TPST2: variants seen among roughly 807,000 people sequenced by gnomAD.
TPST2 encodes the protein tyrosylprotein sulfotransferase 2.
Under a neutral mutation model 27.8 loss-of-function variants are expected in TPST2, and 16 were observed. The ratio of observed to expected loss-of-function variants is 0.58; its 90% CI spans 0.39 to 0.88. TPST2 has a LOEUF of 0.88. TPST2 is among the 40% of genes least tolerant of loss of function. The pLI is 0.00. For synonymous variants in TPST2, 229 were observed against 231.7 expected (o/e 0.99, Z 0.10); for missense variants, 464 against 543.1 (o/e 0.85, Z 1.45).
intron 1 of TPST2, among the ~76,000 whole-genome samples, chr22:26,589,658 G>A (rs984334958): frequency 5.9e-5 from 9 of 152,096 alleles, no homozygotes; most frequent in African/African-American, 2.2e-4. Context: ...CCTGGCGCCC[G>A]CCTGGGGGTC....
intron 1 of TPST2, among the ~76,000 whole-genome samples, chr22:26,545,263 A>G (rs957008216): frequency 6.6e-6 from 1 of 152,208 alleles, no homozygotes; most frequent in African/African-American, 2.4e-5. Flanking sequence ...GATGATCCCA[A>G]TTTTACAGAT....
At position 26,536,692 on chromosome 22, in the gene TPST2, G is replaced by C. The variant is rs192942140; in HGVS notation, c.843-206C>G. Among the ~76,000 whole-genome samples the C allele has an allele frequency of 8.5e-5, 13 of 152,282 alleles. 1 individual carries two copies. The East Asian group carries it at 2.5e-3, about 29-fold the overall frequency. ...ACAATGGGAACACAGCATGCAGTGA[G>C]AAGTCAGAAGAAAGTACTAGCAGTA... On this transcript the variant is annotated intron_variant, in intron 3 of 6. Transcript: ENST00000338754.
intron 3 of TPST2, among the ~76,000 whole-genome samples, chr22:26,536,809 A>G (rs778937296): frequency 2.6e-5 from 4 of 152,204 alleles, no homozygotes; most frequent in Non-Finnish European, 5.9e-5. Flanking sequence ...CTGTAATCCC[A>G]GCACTTCAGA....
intron 1 of TPST2, among the ~76,000 whole-genome samples, chr22:26,553,466 G>C (rs549199100): frequency 6.6e-6 from 1 of 151,592 alleles, no homozygotes; most frequent in South Asian, 2.1e-4. Context: ...TGAAACTCCT[G>C]GTCTCAAATG....
chr22:26,532,448 T>C (rs1032338044), intron 5 of TPST2, among the ~76,000 whole-genome samples: 11 of 152,064 alleles, frequency 7.2e-5, no homozygotes, highest in African/African-American at 2.7e-4. Context: ...GCCCGGATAA[T>C]TTTTGTATTT....
intron 1 of TPST2, among the ~76,000 whole-genome samples, chr22:26,548,260 T>G (rs1042753657): frequency 7.3e-5 from 11 of 149,846 alleles, no homozygotes; most frequent in African/African-American, 2.7e-4. Context: ...GAGAATCACT[T>G]AAGCTTGGGA....
Position 26,524,169 on chromosome 22 carries a change from A to G in TPST2, c.*2106T>C, listed in dbSNP as rs1924701959. On this transcript the variant is annotated 3_prime_UTR_variant, in exon 7 of 7. Transcript: ENST00000338754. ...TGAAGAAATGAACAAAAAGGGTCAC[A>G]CCTTCAAAAAAGCCTAATTTCCATT... The G allele has an allele frequency of 1.3e-5, 2 of 152,310 alleles. No homozygotes were observed. The highest frequency in any genetic ancestry group is 2.1e-4 in the South Asian group (1 of 4,828). 9.4% of individuals were successfully genotyped at this position (152,310 alleles called of 1,614,324 possible).
chr22:26,528,334 C>T, intron 5 of TPST2, 72 bp from the exon 6 acceptor site: 1 of 1,508,202 alleles, frequency 6.6e-7, no homozygotes, highest in East Asian at 2.5e-5. Flanking sequence ...TGAGGGTCAC[C>T]CCTCAGCATC....
chr22:26,523,549 G>A lies in TPST2; in HGVS notation c.*2726C>T, dbSNP rs1753607568. 2 of 152,034 alleles carry A rather than the reference G, an allele frequency of 1.3e-5. No individual in the cohort carries two copies. Among genetic ancestry groups the A allele is most frequent in the Admixed American group, 6.6e-5 (1 of 15,248 alleles). The allele number at this position is 152,034 out of a possible 1,614,324, so 9.4% of individuals were successfully genotyped here. ...AACAAGACCCAGTGCTACCACTTAGGGGCTAGAAACAGAAATTGTATTTAT... is the reference window on the plus strand; with the variant it reads ...AACAAGACCCAGTGCTACCACTTAGAGGCTAGAAACAGAAATTGTATTTAT... On this transcript the variant is annotated 3_prime_UTR_variant, in exon 7 of 7. Transcript: ENST00000338754.
In TPST2 at chr22:26,522,061, C is replaced by T. The variant is rs935178532; in HGVS notation, c.*4214G>A. On this transcript the variant is annotated 3_prime_UTR_variant, in exon 7 of 7. Transcript: ENST00000338754. ...ATCATTATAGCTACCATGTATTAAG[C>T]CTTCACCATGGGGCTGTTAAGTCTT... The T allele has an allele frequency of 1.3e-5, 2 of 152,074 alleles. No homozygotes were observed. The highest frequency in any genetic ancestry group is 4.8e-5 in the African/African-American group (2 of 41,378). The allele number at this position is 152,074 out of a possible 1,614,324, so 9.4% of individuals were successfully genotyped here.
intron 4 of TPST2, chr22:26,536,067 A>G (rs373744806): frequency 2.6e-5 from 18 of 705,256 alleles, no homozygotes; most frequent in Middle Eastern, 2.3e-4. Flanking sequence ...TAGATGTTAG[A>G]GTATGAGAGA....
intron 5 of TPST2, among the ~76,000 whole-genome samples, chr22:26,529,435 G>C (rs926261227): frequency 1.3e-5 from 2 of 152,172 alleles, no homozygotes; most frequent in Non-Finnish European, 2.9e-5. Flanking sequence ...CAGCCAGAAG[G>C]TTGGAACTTT....
intron 1 of TPST2, among the ~76,000 whole-genome samples, chr22:26,557,062 T>C (rs1010366239): frequency 1.3e-5 from 2 of 152,184 alleles, no homozygotes; most frequent in African/African-American, 2.4e-5. Context: ...CAAATATAAG[T>C]AGGTAGGAGA....
At chr22:26,579,211 A>G (rs759753388) in intron 1 of TPST2, among the ~76,000 whole-genome samples, 2 of 152,158 alleles carry the variant, frequency 1.3e-5, no homozygotes, top group Non-Finnish European at 2.9e-5. Flanking sequence ...CTTAGCCATC[A>G]AATATGCACT....
At chr22:26,542,239 C>CT (rs925966002) in intron 2 of TPST2, among the ~76,000 whole-genome samples, 3 of 86,522 alleles carry the variant, frequency 3.5e-5, no homozygotes, top group African/African-American at 1.2e-4. Flanking sequence ...GAGACTCCGT[C>CT]TAAAAAAAAA....
chr22:26,528,100 T>A, intron 6 of TPST2, 114 bp downstream of exon 6: 1 of 1,253,380 alleles, frequency 8.0e-7, no homozygotes, highest in Admixed American at 2.1e-5. Context: ...CCCACCCTAG[T>A]GGACATGTCT....
At chr22:26,533,019 T>G (rs567921651) in intron 4 of TPST2, among the ~76,000 whole-genome samples, 1 of 152,138 alleles carries the variant, frequency 6.6e-6, no homozygotes, top group South Asian at 2.1e-4. Context: ...TAAACACAGA[T>G]AAACAAGGAC....
chr22:26,587,680 C>T (rs1213353185), intron 1 of TPST2, among the ~76,000 whole-genome samples: 2 of 152,086 alleles, frequency 1.3e-5, no homozygotes, highest in African/African-American at 4.8e-5. Flanking sequence ...CCAGTGATTT[C>T]AAGGGTTATG....
chr22:26,565,021 T>A (rs1393063500), intron 1 of TPST2, among the ~76,000 whole-genome samples: 1 of 152,092 alleles, frequency 6.6e-6, no homozygotes. Context: ...CCACTGAGAC[T>A]TCATAATGCC....
Sources: gnomAD v4.1 joint callset for allele counts (sites outside exome capture counted in the v4.1 genomes callset) on GRCh38, gnomAD v4.1.1 for gene constraint, MANE v1.5 for transcripts, NCBI Gene and HGNC (gene_info 2026-07-23, HGNC 2026-07-21) for gene names.